The following ARL1 variants were observed in gnomAD, a reference collection of about 807,000 sequenced individuals.
ARL1 encodes the protein ADP-ribosylation factor-like protein 1.
In ARL1, 17 loss-of-function variants were observed where a neutral mutation model predicts 30.1. The observed-to-expected ratio is 0.56, with a 90% CI of 0.39 to 0.85. The LOEUF is 0.85. Among genes scored for constraint, ARL1 ranks in the 40% least tolerant of loss-of-function variants. The probability of loss-of-function intolerance (pLI) is 0.00; values close to 1 mark genes in which losing one functional copy is unlikely to be tolerated. For synonymous variants in ARL1, 58 were observed against 71.7 expected (o/e 0.81, Z 0.97); for missense variants, 102 against 212.6 (o/e 0.48, Z 3.24).
At position 101,394,883 on chromosome 12, in the gene ARL1, A is replaced by T. The variant is rs760289951; in HGVS notation, c.*757T>A. On this transcript the variant is annotated 3_prime_UTR_variant, in exon 6 of 6. Coordinates refer to ENST00000261636, the MANE Select transcript of ARL1 (RefSeq NM_001177.6). Reference sequence around the variant, plus strand: ...CTTCTGAACCAAAAGTTTTACTTTGAGCCCTATTCCTACCTTACAAGCTAG... The same window carrying T: ...CTTCTGAACCAAAAGTTTTACTTTGTGCCCTATTCCTACCTTACAAGCTAG... 5 of 152,194 alleles carry T rather than the reference A, an allele frequency of 3.3e-5. No homozygotes were observed. The highest frequency in any genetic ancestry group is 5.9e-5 in the Non-Finnish European group (4 of 68,034). 9.4% of individuals were successfully genotyped at this position (152,194 alleles called of 1,614,324 possible).
At position 101,396,595 on chromosome 12, in the gene ARL1, T is replaced by C. The variant is rs73159756; in HGVS notation, c.337-18A>G. 330,608 of 1,599,092 alleles carry C rather than the reference T, an allele frequency of 0.21. 36,544 individuals carry two copies. Among genetic ancestry groups the C allele is most frequent in the East Asian group, 0.39 (17,344 of 44,676 alleles). On this transcript the variant is annotated intron_variant, in intron 4 of 5. Transcript: ENST00000261636. ...TCTTCTTCCTAAATGAAATTGAAAA[T>C]ATTTAATTTCTTTTAACTAATGTGC...
At position 101,393,588 on chromosome 12, in the gene ARL1, AT is replaced by A. The variant is rs1412366853; in HGVS notation, c.*2051del. 1.3e-5 allele frequency: 2 copies of A among 152,206 alleles called. No individual in the cohort carries two copies. The highest frequency in any genetic ancestry group is 4.8e-5 in the African/African-American group (2 of 41,448). 9.4% of individuals were successfully genotyped at this position (152,206 alleles called of 1,614,324 possible). On this transcript the variant is annotated 3_prime_UTR_variant, in exon 6 of 6. Transcript: ENST00000261636. ...TTGTCTCCTGCTAGACAAGGACCAT[AT>A]AATTTATAGCTTATTTAAGTGTCCA...
In ARL1 at chr12:101,401,191, G is replaced by C; in HGVS notation, c.225-18C>G. The C allele has an allele frequency of 6.6e-7, 1 of 1,520,938 alleles. No homozygotes were observed. The highest frequency in any genetic ancestry group is 2.3e-5 in the East Asian group (1 of 44,328). 94.2% of individuals were successfully genotyped at this position (1,520,938 alleles called of 1,614,324 possible). A position where few individuals can be genotyped will look rare whatever the true frequency, so the allele number is the denominator to read the frequency against. ...AGTATGGCCTAGAGAAAATTTAAAA[G>C]GGGAGAACATATTGTTATTGTTTTA... On this transcript the variant is annotated intron_variant, in intron 3 of 5. Transcript: ENST00000261636.
chr12:101,396,681 A>G, intron 4 of ARL1, 104 bp from the exon 5 acceptor site: 1 of 799,114 alleles, frequency 1.3e-6, no homozygotes, highest in South Asian at 2.4e-5. Flanking sequence ...TAATTAATAT[A>G]TTACACATTA....
chr12:101,407,157 T>C (rs1365190079), intron 1 of ARL1: 1 of 164,524 alleles, frequency 6.1e-6, no homozygotes, highest in Non-Finnish European at 1.3e-5. Flanking sequence ...TAAAACAACA[T>C]AAGCAACACC....
chr12:101,395,409 C>A lies in ARL1; in HGVS notation c.*231G>T, dbSNP rs1055514837. 9 of 468,212 alleles carry A rather than the reference C, an allele frequency of 1.9e-5. No homozygotes were observed. Among genetic ancestry groups the A allele is most frequent in the African/African-American group, 1.2e-4 (6 of 50,630 alleles). 29.0% of individuals were successfully genotyped at this position (468,212 alleles called of 1,614,324 possible). On this transcript the variant is annotated 3_prime_UTR_variant, in exon 6 of 6. Coordinates refer to ENST00000261636, the MANE Select transcript of ARL1 (RefSeq NM_001177.6). ...TACAAATAGAATATATACCTTAACA[C>A]AAGAAAGCAAGAAAAGAATATTTTA...
intron 1 of ARL1, chr12:101,407,418 A>G: frequency 1.8e-6 from 1 of 545,784 alleles, no homozygotes. Flanking sequence ...GGGTCCCTGG[A>G]CCCCGCAGGA....
In ARL1 at chr12:101,393,978, C is replaced by T. The variant is rs1871079956; in HGVS notation, c.*1662G>A. ...GAAATGCCATATGCCAGGCGCCATA[C>T]CAGATACTAGGGACATAAATATGAA... On this transcript the variant is annotated 3_prime_UTR_variant, in exon 6 of 6. Coordinates refer to ENST00000261636, the MANE Select transcript of ARL1 (RefSeq NM_001177.6). 1 of 150,968 alleles carries T rather than the reference C, an allele frequency of 6.6e-6. No homozygotes were observed. The highest frequency in any genetic ancestry group is 6.7e-5 in the Admixed American group (1 of 14,980). The allele number at this position is 150,968 out of a possible 1,614,324, so 9.4% of individuals were successfully genotyped here. A position where few individuals can be genotyped will look rare whatever the true frequency, so the allele number is the denominator to read the frequency against.
Position 101,402,780 on chromosome 12 carries a change from C to A in ARL1, c.224+85G>T, listed in dbSNP as rs887552497. The A allele has an allele frequency of 2.5e-5, 21 of 837,056 alleles. No homozygotes were observed. In the African/African-American group the frequency reaches 3.0e-4, roughly 12 times the overall value. 51.9% of individuals were successfully genotyped at this position (837,056 alleles called of 1,614,324 possible). On this transcript the variant is annotated intron_variant, in intron 3 of 5. Coordinates refer to ENST00000261636, the MANE Select transcript of ARL1 (RefSeq NM_001177.6). ...TGGCTCCATTTAAATTACAATAGAACACATATTCGGGTTTACTGATTTTAA... is the reference window on the plus strand; with the variant it reads ...TGGCTCCATTTAAATTACAATAGAAAACATATTCGGGTTTACTGATTTTAA...
chr12:101,405,283 G>A (rs1871408331), intron 2 of ARL1, among the ~76,000 whole-genome samples: 1 of 152,076 alleles, frequency 6.6e-6, no homozygotes, highest in Non-Finnish European at 1.5e-5. Flanking sequence ...AATTAAAATA[G>A]TAACAAATAC....
rs1308618443 is a variant in ARL1 at position 101,407,772 on chromosome 12, G to A, written c.-127C>T. On this transcript the variant is annotated 5_prime_UTR_variant, in exon 1 of 6. Coordinates refer to ENST00000261636, the MANE Select transcript of ARL1 (RefSeq NM_001177.6). ...CACGTCGGACTCCAGGCGGGGGCGG[G>A]AGCGAGGGTCAGCTGCGACTGCGCG... The A allele has an allele frequency of 2.8e-6, 4 of 1,410,266 alleles. No homozygotes were observed. Among genetic ancestry groups the A allele is most frequent in the East Asian group, 2.3e-5 (1 of 43,774 alleles). 87.4% of individuals were successfully genotyped at this position (1,410,266 alleles called of 1,614,324 possible).
intron 2 of ARL1, 93 bp from the exon 3 acceptor site, chr12:101,403,039 C>G (rs1052373508): frequency 1.5e-6 from 1 of 664,740 alleles, no homozygotes; most frequent in Non-Finnish European, 2.5e-6. Context: ...TTAATGGTAA[C>G]TGTTATTAGA....
At position 101,405,835 on chromosome 12, in the gene ARL1, A is replaced by G. The variant is rs766854112; in HGVS notation, c.142+9T>C. On this transcript the variant is annotated intron_variant, in intron 2 of 5. Coordinates refer to ENST00000261636, the MANE Select transcript of ARL1 (RefSeq NM_001177.6). ...GTCCCTACAATTAGCTCATCATACCAACACTTACTAGGTATAGTAGTAACA... is the reference window on the plus strand; with the variant it reads ...GTCCCTACAATTAGCTCATCATACCGACACTTACTAGGTATAGTAGTAACA... 9 of 1,546,544 alleles carry G rather than the reference A, an allele frequency of 5.8e-6. No individual in the cohort carries two copies. The highest frequency in any genetic ancestry group is 2.3e-5 in the East Asian group (1 of 42,858).
At chr12:101,407,519 G>T in intron 1 of ARL1, 123 bp downstream of exon 1, 1 of 1,342,246 alleles carries the variant, frequency 7.5e-7, no homozygotes, top group South Asian at 1.3e-5. Flanking sequence ...AGTCCTCCGC[G>T]ACCCGCCCCC....
chr12:101,403,242 A>G, intron 2 of ARL1: 1 of 462,270 alleles, frequency 2.2e-6, no homozygotes. Context: ...GATATTTTTT[A>G]AAAGCCAGCA....
intron 1 of ARL1, chr12:101,407,240 G>A (rs1871470145): frequency 4.1e-6 from 1 of 240,994 alleles, no homozygotes; most frequent in African/African-American, 2.2e-5. Flanking sequence ...TCCACTCTGG[G>A]GCCGCAGCTC....
chr12:101,400,995 A>T, intron 4 of ARL1, 67 bp downstream of exon 4: 1 of 1,073,564 alleles, frequency 9.3e-7, no homozygotes, highest in Non-Finnish European at 1.4e-6. Flanking sequence ...CATTCTTTTT[A>T]ATTATTCTTC....
At chr12:101,398,717 C>T (rs1487631818) in intron 4 of ARL1, among the ~76,000 whole-genome samples, 1 of 152,080 alleles carries the variant, frequency 6.6e-6, no homozygotes, top group Non-Finnish European at 1.5e-5. Context: ...GGATTACAGG[C>T]GTGAGCCACC....
chr12:101,400,182 C>G (rs574212251), intron 4 of ARL1: 2 of 152,174 alleles, frequency 1.3e-5, no homozygotes, highest in East Asian at 3.9e-4. Flanking sequence ...ACCTGCCCGC[C>G]TCGGCCTCCC....
Sources: allele counts gnomAD v4.1 joint callset (sites outside exome capture counted in the v4.1 genomes callset), GRCh38; gene constraint gnomAD v4.1.1; transcripts MANE v1.5; gene names NCBI Gene and HGNC (gene_info 2026-07-23, HGNC 2026-07-21).